PGGT1B: variants seen among roughly 807,000 people sequenced by gnomAD.
The protein encoded by PGGT1B is geranylgeranyl transferase type-1 subunit beta.
In PGGT1B, 30 loss-of-function variants were observed where a neutral mutation model predicts 46.1. The observed-to-expected ratio is 0.65, with a 90% CI of 0.49 to 0.88. PGGT1B has a LOEUF of 0.88. PGGT1B is among the 40% of genes least tolerant of loss of function. The pLI is 0.00. For missense variants in PGGT1B, 376 were observed against 455.9 expected (o/e 0.82, Z 1.60); for synonymous variants, 170 against 160.0 (o/e 1.06, Z -0.47).
At chr5:115,219,002 C>A (rs927199004) in intron 7 of PGGT1B, among the ~76,000 whole-genome samples, 2 of 151,828 alleles carry the variant, frequency 1.3e-5, no homozygotes, top group African/African-American at 4.8e-5. Flanking sequence ...TAGGAACACT[C>A]AACAGTGTCA....
At chr5:115,215,796 A>G (rs1756396634) in intron 8 of PGGT1B, among the ~76,000 whole-genome samples, 1 of 152,214 alleles carries the variant, frequency 6.6e-6, no homozygotes, top group African/African-American at 2.4e-5. Context: ...CCACGACTCT[A>G]TTGCAATACT....
At chr5:115,244,555 TAAAA>T (rs956714967) in intron 2 of PGGT1B, among the ~76,000 whole-genome samples, 6 of 129,048 alleles carry the variant, frequency 4.6e-5, no homozygotes, top group African/African-American at 1.7e-4. Flanking sequence ...AAAAAAAAAA[TAAAA>T]AGTTATCTTT....
At chr5:115,230,516 C>A (rs1190783872) in intron 6 of PGGT1B, among the ~76,000 whole-genome samples, 1 of 152,094 alleles carries the variant, frequency 6.6e-6, no homozygotes, top group East Asian at 1.9e-4. Context: ...TTAATGTTTG[C>A]ACTGAATATA....
intron 6 of PGGT1B, among the ~76,000 whole-genome samples, chr5:115,228,469 GATGTGTATGTGC>G (rs1756865034): frequency 6.6e-6 from 1 of 152,164 alleles, no homozygotes; most frequent in Non-Finnish European, 1.5e-5. Flanking sequence ...TAGAGAATGG[GATGTGTATGTGC>G]AGTTGGTTTG....
chr5:115,258,837 G>A (rs1159691473), intron 1 of PGGT1B, among the ~76,000 whole-genome samples: 1 of 152,166 alleles, frequency 6.6e-6, no homozygotes, highest in Non-Finnish European at 1.5e-5. Context: ...CAGAAATGCA[G>A]CATCTCCGGC....
rs1281908387 is a variant in PGGT1B, at chr5:115,210,030, A to G, written c.*2372T>C. On this transcript the variant is annotated 3_prime_UTR_variant, in exon 9 of 9. Coordinates refer to ENST00000419445, the MANE Select transcript of PGGT1B (RefSeq NM_005023.4). ...CCACTGTCAGCAAGATTTCTATATG[A>G]ATTTAGATTAAATATAAATAACTAA... 5 of 152,134 alleles carry G rather than the reference A, an allele frequency of 3.3e-5. No individual in the cohort carries two copies. The highest frequency in any genetic ancestry group is 6.6e-5 in the Admixed American group (1 of 15,242). The allele number at this position is 152,134 out of a possible 1,614,324, so 9.4% of individuals were successfully genotyped here. A position where few individuals can be genotyped will look rare whatever the true frequency, so the allele number is the denominator to read the frequency against.
rs1756139627 is a variant in PGGT1B at position 115,208,869 on chromosome 5, A to C, written c.*3533T>G. 1 of 151,742 alleles carries C rather than the reference A, an allele frequency of 6.6e-6. No homozygotes were observed. Among genetic ancestry groups the C allele is most frequent in the Non-Finnish European group, 1.5e-5 (1 of 67,914 alleles). 9.4% of individuals were successfully genotyped at this position (151,742 alleles called of 1,614,324 possible). On this transcript the variant is annotated 3_prime_UTR_variant, in exon 9 of 9. Coordinates refer to ENST00000419445, the MANE Select transcript of PGGT1B (RefSeq NM_005023.4). ...TCATATTTGCATTTTATTTTTTGGCAAATATTAGGTTTTTATCTGTCTTGT... is the reference window on the plus strand; with the variant it reads ...TCATATTTGCATTTTATTTTTTGGCCAATATTAGGTTTTTATCTGTCTTGT...
intron 6 of PGGT1B, among the ~76,000 whole-genome samples, chr5:115,225,846 A>T (rs943571838): frequency 1.3e-5 from 2 of 151,842 alleles, no homozygotes; most frequent in Non-Finnish European, 2.9e-5. Flanking sequence ...ATGGGGTTTC[A>T]TCATGTTGGC....
intron 1 of PGGT1B, among the ~76,000 whole-genome samples, chr5:115,258,016 G>A (rs1203977436): frequency 6.6e-6 from 1 of 152,206 alleles, no homozygotes; most frequent in Admixed American, 6.5e-5. Flanking sequence ...TTCAATGGCT[G>A]ATTCAACTGG....
At chr5:115,220,919 C>A (rs1032458081) in intron 7 of PGGT1B, among the ~76,000 whole-genome samples, 1 of 151,814 alleles carries the variant, frequency 6.6e-6, no homozygotes, top group African/African-American at 2.4e-5. Context: ...GAAAGGGTAG[C>A]TTTCGGTTGA....
Position 115,230,960 on chromosome 5 carries a change from AT to A in PGGT1B, c.658+15del. The A allele has an allele frequency of 6.6e-7, 1 of 1,512,822 alleles. No homozygotes were observed. Among genetic ancestry groups the A allele is most frequent in the Non-Finnish European group, 9.1e-7 (1 of 1,096,042 alleles). 93.7% of individuals were successfully genotyped at this position (1,512,822 alleles called of 1,614,324 possible). A position where few individuals can be genotyped will look rare whatever the true frequency, so the allele number is the denominator to read the frequency against. On this transcript the variant is annotated intron_variant, in intron 6 of 8. Coordinates refer to ENST00000419445, the MANE Select transcript of PGGT1B (RefSeq NM_005023.4). ...AACAAAAGAAACTACATGTTCACTT[AT>A]TTAAGATGTCTTACCATGAGATTCA...
At chr5:115,217,350 TA>T (rs1580744369) in intron 7 of PGGT1B, among the ~76,000 whole-genome samples, 1 of 151,802 alleles carries the variant, frequency 6.6e-6, no homozygotes, top group East Asian at 2.0e-4. Context: ...TATAAACTAG[TA>T]GTAACTGGAA....
rs1000582668 is a variant in PGGT1B, at chr5:115,230,830, A to G, written c.658+146T>C. ...GCTTCAAATAGACAAAATGGTGTCA[A>G]AAGAGAATCAGGAAAGTGACAAAGA... On this transcript the variant is annotated intron_variant, in intron 6 of 8. Transcript: ENST00000419445. 1.3e-5 allele frequency: 8 copies of G among 615,292 alleles called. No homozygotes were observed. In the African/African-American group the frequency reaches 1.4e-4, roughly 10 times the overall value. The allele number at this position is 615,292 out of a possible 1,614,324, so 38.1% of individuals were successfully genotyped here. A position where few individuals can be genotyped will look rare whatever the true frequency, so the allele number is the denominator to read the frequency against.
At chr5:115,234,165 TG>T (rs1757094269) in intron 5 of PGGT1B, among the ~76,000 whole-genome samples, 1 of 65,380 alleles carries the variant, frequency 1.5e-5, no homozygotes. Flanking sequence ...ATTGTATTGG[TG>T]TTTTTTTTTT....
At chr5:115,221,352 T>A (rs564316724) in intron 7 of PGGT1B, among the ~76,000 whole-genome samples, 1 of 152,078 alleles carries the variant, frequency 6.6e-6, no homozygotes, top group African/African-American at 2.4e-5. Context: ...GCATGTCAAT[T>A]GATGAGTTTC....
Position 115,253,236 on chromosome 5 carries a change from C to CA in PGGT1B, c.159dup (p.Ala54CysfsTer18). On this transcript the variant is annotated frameshift_variant, in exon 2 of 9. Transcript: ENST00000419445. LOFTEE classifies it high-confidence loss of function. ...TCCAACATATCCAGCCCGGAGAGTG[C>CA]AAAAAATGCAATTGTCAACCTAAAA... 2 of 1,574,592 alleles carry CA rather than the reference C, an allele frequency of 1.3e-6. No individual in the cohort carries two copies. The highest frequency in any genetic ancestry group is 1.7e-6 in the Non-Finnish European group (2 of 1,166,250).
At position 115,253,083 on chromosome 5, in the gene PGGT1B, T is replaced by C. The variant is rs1748172790; in HGVS notation, c.259+54A>G. ...CTAAGATTTTCTAGTCCAACACATG[T>C]TATGTCAGGTACAACCAGTCACACT... On this transcript the variant is annotated intron_variant, in intron 2 of 8. Coordinates refer to ENST00000419445, the MANE Select transcript of PGGT1B (RefSeq NM_005023.4). The C allele has an allele frequency of 7.9e-6, 12 of 1,513,388 alleles. No individual in the cohort carries two copies. In the South Asian group the frequency reaches 1.4e-4, roughly 18 times the overall value. 93.7% of individuals were successfully genotyped at this position (1,513,388 alleles called of 1,614,324 possible).
At position 115,206,536 on chromosome 5, in the gene PGGT1B, CT is replaced by C. The variant is rs1304410637; in HGVS notation, c.*5865del. On this transcript the variant is annotated 3_prime_UTR_variant, in exon 9 of 9. Transcript: ENST00000419445. ...TGAGTCTATTTCTGGAATTCCTCTT[CT>C]GTTCCATTGGACTTCCTATTTATGT... 1.3e-5 allele frequency: 2 copies of C among 152,030 alleles called. No homozygotes were observed. The highest frequency in any genetic ancestry group is 4.8e-5 in the African/African-American group (2 of 41,448). 9.4% of individuals were successfully genotyped at this position (152,030 alleles called of 1,614,324 possible). A position where few individuals can be genotyped will look rare whatever the true frequency, so the allele number is the denominator to read the frequency against.
chr5:115,240,502 AT>A (rs1196790873), intron 3 of PGGT1B, among the ~76,000 whole-genome samples: 3 of 152,036 alleles, frequency 2.0e-5, no homozygotes, highest in Non-Finnish European at 2.9e-5. Flanking sequence ...AAAGGGACAA[AT>A]TTTCTGAATC....
Sources: gnomAD v4.1 joint callset for allele counts (sites outside exome capture counted in the v4.1 genomes callset) on GRCh38, gnomAD v4.1.1 for gene constraint, MANE v1.5 for transcripts, NCBI Gene and HGNC (gene_info 2026-07-23, HGNC 2026-07-21) for gene names.